Variants in EHMT1 observed in about 807,000 individuals in gnomAD.
EHMT1 encodes histone-lysine N-methyltransferase EHMT1.
A neutral mutation model predicts 147.2 loss-of-function variants in EHMT1; 15 were observed. The observed-to-expected ratio is 0.10, with a 90% CI of 0.07 to 0.16. The LOEUF (loss-of-function observed/expected upper bound fraction) is 0.16, where lower values mean the gene tolerates loss of function less well. Ranked by LOEUF, EHMT1 falls within the 10% of genes least tolerant of loss-of-function variation. EHMT1 has a pLI of 1.00. For synonymous variants in EHMT1, 795 were observed against 709.6 expected (o/e 1.12, Z -1.91); for missense variants, 1,587 against 1,772.4 (o/e 0.90, Z 1.88).
chr9:137,803,110 C>G lies in EHMT1; in HGVS notation c.2712+2126C>G, dbSNP rs1041485700. ...CATGCCTGGGCAGTTTGCAGCCTGTCCAGGTGTCAGAGCTGTTAGCTCTCT... is the reference window on the plus strand; with the variant it reads ...CATGCCTGGGCAGTTTGCAGCCTGTGCAGGTGTCAGAGCTGTTAGCTCTCT... On this transcript the variant is annotated intron_variant, in intron 18 of 26. Coordinates refer to ENST00000460843, the MANE Select transcript of EHMT1 (RefSeq NM_024757.5). 2.4e-6 allele frequency: 3 copies of G among 1,229,316 alleles called. No homozygotes were observed. In the African/African-American group the frequency reaches 4.7e-5, roughly 19 times the overall value. 76.2% of individuals were successfully genotyped at this position (1,229,316 alleles called of 1,614,324 possible). A position where few individuals can be genotyped will look rare whatever the true frequency, so the allele number is the denominator to read the frequency against.
intron 4 of EHMT1, among the ~76,000 whole-genome samples, chr9:137,740,855 T>C (rs1309039838): frequency 2.0e-5 from 3 of 152,134 alleles, no homozygotes; most frequent in African/African-American, 7.2e-5. Flanking sequence ...CAGGCTGGAG[T>C]GCAGTGGTGC....
chr9:137,814,963 C>A, intron 22 of EHMT1: 1 of 271,598 alleles, frequency 3.7e-6, no homozygotes, highest in Non-Finnish European at 7.3e-6. Context: ...TGCTGGTCCT[C>A]GGAGGAGCCC....
chr9:137,670,204 A>T (rs1042131865), intron 1 of EHMT1, among the ~76,000 whole-genome samples: 7 of 152,078 alleles, frequency 4.6e-5, no homozygotes, highest in Admixed American at 3.9e-4. Flanking sequence ...GCTTCACGTC[A>T]GTTCTTTGCC....
Position 137,775,642 on chromosome 9 carries a change from G to A in EHMT1, c.1791+390G>A, listed in dbSNP as rs1048635958. 6.6e-6 allele frequency among the ~76,000 whole-genome samples: 1 copy of A among 151,800 alleles called. No homozygotes were observed. The highest frequency in any genetic ancestry group is 6.5e-5 in the Admixed American group (1 of 15,276). On this transcript the variant is annotated intron_variant, in intron 11 of 26. Transcript: ENST00000460843. This position sits in a 1 kb window ranked among gnomAD's most constrained non-coding sequence, Gnocchi z 6.1. ...TCCAGGTGGAGGCTGTACTGAGGAC[G>A]TTCATCCCCCATGACAAGGGTGTAC...
chr9:137,661,297 T>C (rs746699504), intron 1 of EHMT1, among the ~76,000 whole-genome samples: 4 of 152,192 alleles, frequency 2.6e-5, no homozygotes, highest in African/African-American at 7.2e-5. Context: ...TTAAAGGGAA[T>C]GTTTCCAATA....
chr9:137,743,509 A>C lies in EHMT1; in HGVS notation c.962A>C (p.His321Pro). ...ATTGAGATGTTTAAGAGCATAACTCATTCCACTGTGGGTTCCAAGGTAAGA... is the reference window on the plus strand; with the variant it reads ...ATTGAGATGTTTAAGAGCATAACTCCTTCCACTGTGGGTTCCAAGGTAAGA... ...TVIEMFKSIT[H>P]STVGSKGEKD... Residue 321 changes from histidine to proline, a missense_variant, in exon 5 of 27, where the codon CAT becomes CCT. His to Pro is a moderately conservative substitution (Grantham distance 77). This residue lies in a region of EHMT1 where 810 missense variants were observed against 673.0 expected (regional missense o/e 1.20). Coordinates refer to ENST00000460843, the MANE Select transcript of EHMT1 (RefSeq NM_024757.5). 6.2e-7 allele frequency: 1 copy of C among 1,614,194 alleles called. No individual in the cohort carries two copies. Among genetic ancestry groups the C allele is most frequent in the South Asian group, 1.1e-5 (1 of 91,082 alleles).
At chr9:137,816,442 C>G (rs1954926163) in intron 23 of EHMT1, 1 of 346,776 alleles carries the variant, frequency 2.9e-6, no homozygotes, top group African/African-American at 2.1e-5. Context: ...ATTCTCTGTT[C>G]TCTGGGCTTC....
intron 25 of EHMT1, among the ~76,000 whole-genome samples, chr9:137,831,957 A>G (rs1045477826): frequency 7.3e-6 from 1 of 136,748 alleles, no homozygotes; most frequent in African/African-American, 2.9e-5. Context: ...TGGCTGCTGC[A>G]CTTCGCCCCA....
In EHMT1 at chr9:137,680,157, T is replaced by C. The variant is rs77747482; in HGVS notation, c.22-30810T>C. ...TTTAGATGAAAGTCTTGTGGCTTTT[T>C]TTTAGTTGCTTATGCTATTAAAAGC... On this transcript the variant is annotated intron_variant, in intron 1 of 26. Coordinates refer to ENST00000460843, the MANE Select transcript of EHMT1 (RefSeq NM_024757.5). Among the ~76,000 whole-genome samples, 66 of 152,328 alleles carry C rather than the reference T, an allele frequency of 4.3e-4. 2 individuals are homozygous for C. In the East Asian group the frequency reaches 0.011, roughly 26 times the overall value.
At chr9:137,711,630 G>A (rs1451619607) in intron 2 of EHMT1, among the ~76,000 whole-genome samples, 1 of 152,190 alleles carries the variant, frequency 6.6e-6, no homozygotes, top group African/African-American at 2.4e-5. Context: ...GGCAGGGTGA[G>A]GGGAGTTGGG....
intron 15 of EHMT1, among the ~76,000 whole-genome samples, chr9:137,789,485 A>G (rs1043243098): frequency 5.3e-5 from 8 of 152,092 alleles, no homozygotes; most frequent in African/African-American, 1.7e-4. Context: ...TAAGCTTACT[A>G]TTCGTTAAAA....
rs1166677382 is a variant in EHMT1, at chr9:137,834,765, C to T, written c.3717-8C>T. On this transcript the variant is annotated splice_polypyrimidine_tract_variant and splice_region_variant and intron_variant, in intron 26 of 26. Transcript: ENST00000460843. ...CGACTTGGAGCCTTGGTTCTGTTCCCTCCCCAGGTTTGACTATGGAGAGCG... is the reference window on the plus strand; with the variant it reads ...CGACTTGGAGCCTTGGTTCTGTTCCTTCCCCAGGTTTGACTATGGAGAGCG... The T allele has an allele frequency of 1.2e-6, 2 of 1,613,388 alleles. No individual in the cohort carries two copies. The highest frequency in any genetic ancestry group is 1.7e-6 in the Non-Finnish European group (2 of 1,179,794).
intron 1 of EHMT1, among the ~76,000 whole-genome samples, chr9:137,677,773 T>A (rs1454688792): frequency 6.6e-6 from 1 of 151,908 alleles, no homozygotes; most frequent in Non-Finnish European, 1.5e-5. Flanking sequence ...AAAATAGTAT[T>A]GTCAGCCGAG....
chr9:137,700,956 C>T (rs1331990605), intron 1 of EHMT1, among the ~76,000 whole-genome samples: 1 of 152,184 alleles, frequency 6.6e-6, no homozygotes. Flanking sequence ...GTTTCTGCTT[C>T]TGGGGAAGCC....
chr9:137,743,092 G>C (rs947166311), intron 4 of EHMT1: 1 of 421,338 alleles, frequency 2.4e-6, no homozygotes, highest in African/African-American at 2.0e-5. Context: ...TGGCTTTCCT[G>C]CCTCCAAGGT....
At chr9:137,719,761 G>A (rs985337196) in intron 3 of EHMT1, among the ~76,000 whole-genome samples, 2 of 152,176 alleles carry the variant, frequency 1.3e-5, no homozygotes, top group Non-Finnish European at 2.9e-5. Flanking sequence ...CACGTGCAGG[G>A]TGTTCTGTGC....
At chr9:137,812,945 A>C in intron 19 of EHMT1, 61 bp from the exon 20 acceptor site, 1 of 1,599,194 alleles carries the variant, frequency 6.3e-7, no homozygotes, top group Non-Finnish European at 8.6e-7. Flanking sequence ...TATAAATCTC[A>C]TCTGTATCAC....
At chr9:137,716,081 CGTG>C (rs1351301327) in intron 2 of EHMT1, among the ~76,000 whole-genome samples, 4 of 52,286 alleles carry the variant, frequency 7.7e-5, no homozygotes, top group African/African-American at 3.4e-4. Flanking sequence ...ATTGTGGTGT[CGTG>C]GTGGGGGAGG....
intron 1 of EHMT1, among the ~76,000 whole-genome samples, chr9:137,657,246 A>G (rs973037467): frequency 2.0e-5 from 3 of 152,214 alleles, no homozygotes; most frequent in African/African-American, 7.2e-5. Context: ...CAGCCAGCTC[A>G]GCTGAAGAGG....
Sources: allele counts gnomAD v4.1 joint callset (sites outside exome capture counted in the v4.1 genomes callset), GRCh38; gene constraint gnomAD v4.1.1; regional missense constraint gnomAD v4.1.1; non-coding constraint Gnocchi (gnomAD v3.1); transcripts MANE v1.5; gene names NCBI Gene and HGNC (gene_info 2026-07-23, HGNC 2026-07-21).